The following MGAM variants were observed in gnomAD, a reference collection of about 807,000 sequenced individuals.
MGAM encodes the protein maltase-glucoamylase, also known as alpha-1,4-glucosidase.
Under a neutral mutation model 358.8 loss-of-function variants are expected in MGAM, and 253 were observed. That is an observed-to-expected ratio of 0.71 (90% CI 0.64 to 0.78). The LOEUF (loss-of-function observed/expected upper bound fraction) is 0.78. MGAM is among the 30% of genes least tolerant of loss of function. MGAM has a pLI of 0.00. For synonymous variants in MGAM, 1,105 were observed against 1,227.1 expected, an observed-to-expected ratio of 0.90 and a Z score of 2.08; for missense variants, 3,080 against 3,432.6, an observed-to-expected ratio of 0.90 and a Z score of 2.57.
intron 10 of MGAM, among the ~76,000 whole-genome samples, chr7:142,028,006 T>C (rs1554461644): frequency 6.6e-6 from 1 of 152,190 alleles, no homozygotes; most frequent in African/African-American, 2.4e-5. Context: ...TCTTATTATG[T>C]ATTTTATTAG....
chr7:142,100,820 C>T lies in MGAM; in HGVS notation c.7893C>T (p.Gly2631=). ...NTHLSRQKFM[G]FKIALDDEGT... is the part of the protein sequence containing the mutation. ...ACTGCAGCCGCCAGAAATTCATGGGCTTCAAAATTGCCTTGGATGATGAAG... is the reference window on the plus strand; with the variant it reads ...ACTGCAGCCGCCAGAAATTCATGGGTTTCAAAATTGCCTTGGATGATGAAG... The change falls in exon 68 of 71, where the codon GGC becomes GGT. Residue 2631 remains glycine, a synonymous_variant. Coordinates refer to ENST00000475668, the MANE Select transcript of MGAM (RefSeq NM_001365693.1). 25 of 1,612,388 alleles carry T rather than the reference C, an allele frequency of 1.6e-5. No individual in the cohort carries two copies. Among genetic ancestry groups the T allele is most frequent in the Non-Finnish European group, 2.0e-5 (24 of 1,179,310 alleles).
rs558596238 is a variant in MGAM at position 142,090,228 on chromosome 7, G to A, written c.6811-1685G>A. Among the ~76,000 whole-genome samples, 94 of 146,042 alleles carry A rather than the reference G, an allele frequency of 6.4e-4. 3 individuals are homozygous for A. Among genetic ancestry groups the A allele is most frequent in the Middle Eastern group, 3.5e-3 (1 of 284 alleles). ...GCAGAACATTTTTATGAAGTTGGAA[G>A]GGGTCATCCGAGCAGTACTTAGGGA... On this transcript the variant is annotated intron_variant, in intron 57 of 70. Coordinates refer to ENST00000475668, the MANE Select transcript of MGAM (RefSeq NM_001365693.1).
upstream of MGAM, among the ~76,000 whole-genome samples, chr7:141,990,901 C>T (rs78263602): frequency 0.033 from 5,038 of 152,258 alleles, 302 homozygotes; most frequent in African/African-American, 0.12. Flanking sequence ...TCCTGTCCCT[C>T]CCAGCATGTG....
chr7:142,066,516 T>C (rs1271432997), intron 40 of MGAM, 57 bp from the exon 41 acceptor site: 1 of 1,529,838 alleles, frequency 6.5e-7, no homozygotes, highest in East Asian at 2.3e-5. Context: ...AGTGACCTTC[T>C]TAAATCCCCT....
rs1584965634 is a variant in MGAM at position 142,040,558 on chromosome 7, C to T, written c.2374-164C>T. ...CACAAACCCCCAACTGGTAGCAGAA[C>T]ATGTTATTCTTGATTTTTTTCCTTC... On this transcript the variant is annotated intron_variant, in intron 20 of 70. Transcript: ENST00000475668. 10 of 891,764 alleles carry T rather than the reference C, an allele frequency of 1.1e-5. No homozygotes were observed. In the East Asian group the frequency reaches 2.2e-4, roughly 20 times the overall value. 55.2% of individuals were successfully genotyped at this position (891,764 alleles called of 1,614,324 possible).
chr7:142,031,907 T>C (rs1179825658), intron 13 of MGAM, 114 bp downstream of exon 13: 3 of 662,738 alleles, frequency 4.5e-6, no homozygotes, highest in Non-Finnish European at 7.9e-6. Flanking sequence ...AAAGGAAGTA[T>C]AACAATCACT....
chr7:142,036,824 A>G lies in MGAM; in HGVS notation c.2078A>G (p.Asp693Gly). Residue 693 changes from aspartate (D) to glycine (G), a missense_variant and splice_region_variant, in exon 18 of 71, where the codon GAC becomes GGC. Transcript: ENST00000475668. ...CTGCAAACTCCTATTTCCTCCCAGG[A>G]CCAGGATCCTGCCTCCTTTGGAGCT... Reference protein sequence around the residue: ...SRNHNGQGYKDQDPASFGADS... With the variant: ...SRNHNGQGYKGQDPASFGADS... The G allele has an allele frequency of 6.2e-7, 1 of 1,613,232 alleles. No homozygotes were observed.
At position 142,085,860 on chromosome 7, in the gene MGAM, A is replaced by G. The variant is rs752245131; in HGVS notation, c.6535A>G (p.Met2179Val). The change falls in exon 55 of 71, where the codon ATG becomes GTG. Residue 2179 changes from methionine (M) to valine (V), a missense_variant. By Grantham distance (21) the Met-to-Val change is conservative (BLOSUM62 1). Coordinates refer to ENST00000475668, the MANE Select transcript of MGAM (RefSeq NM_001365693.1). The stretch of plus-strand genomic sequence containing the variant: ...CGTGCAGTACTCAGACATCGACTAC[A>G]TGGAGCGGCAGCTGGACTTCACCCT... ...YDVQYSDIDY[M>V]ERQLDFTLSP... 3.8e-6 allele frequency: 6 copies of G among 1,565,402 alleles called. No homozygotes were observed. The highest frequency in any genetic ancestry group is 1.3e-5 in the African/African-American group (1 of 74,434).
rs112116114 is a variant in MGAM, at chr7:142,093,335, G to C, written c.7034-77G>C. ...GACTGAAGTTAGTCTTAAGATCCAG[G>C]GCCCAGTCCCTTGAAGAGAAGTCAG... On this transcript the variant is annotated intron_variant, in intron 59 of 70. Transcript: ENST00000475668. 6.1e-3 allele frequency: 8,933 copies of C among 1,452,650 alleles called. 755 individuals carry two copies. In the African/African-American group the frequency reaches 0.1, roughly 17 times the overall value. The allele number at this position is 1,452,650 out of a possible 1,614,324, so 90.0% of individuals were successfully genotyped here.
Position 142,066,654 on chromosome 7 carries a change from T to C in MGAM, c.4852T>C (p.Tyr1618His), listed in dbSNP as rs1461110017. The change falls in exon 41 of 71, where the codon TAT becomes CAT. Residue 1618 changes from tyrosine (Y) to histidine (H), a missense_variant. Tyr to His is a moderately conservative substitution (Grantham distance 83). This residue lies in a region of MGAM where 134 missense variants were observed against 198.4 expected (regional missense o/e 0.68). Coordinates refer to ENST00000475668, the MANE Select transcript of MGAM (RefSeq NM_001365693.1). ...GCAGACCAGATACACCCTGTTGCCATATCTGTATACCTTGATGCAAAAGGC... is the reference window on the plus strand; with the variant it reads ...GCAGACCAGATACACCCTGTTGCCACATCTGTATACCTTGATGCAAAAGGC... ...VLQTRYTLLP[Y>H]LYTLMQKAHT... 2 of 1,556,228 alleles carry C rather than the reference T, an allele frequency of 1.3e-6. No individual in the cohort carries two copies. Among genetic ancestry groups the C allele is most frequent in the Non-Finnish European group, 1.8e-6 (2 of 1,132,646 alleles).
chr7:142,045,568 A>AGT (rs1554472931), intron 21 of MGAM, among the ~76,000 whole-genome samples: 1 of 80,194 alleles, frequency 1.2e-5, no homozygotes, highest in Non-Finnish European at 1.9e-5. Context: ...ATGAATATAT[A>AGT]ATATATATTA....
upstream of MGAM, among the ~76,000 whole-genome samples, chr7:141,991,474 C>T (rs1554447308): frequency 1.3e-5 from 2 of 151,208 alleles, no homozygotes; most frequent in Non-Finnish European, 2.9e-5. Context: ...CACTCTGTTG[C>T]CCAGGCTGGA....
chr7:142,097,189 G>A (rs188119446), intron 65 of MGAM, among the ~76,000 whole-genome samples: 1 of 151,976 alleles, frequency 6.6e-6, no homozygotes, highest in African/African-American at 2.4e-5. Flanking sequence ...CGCCTGACTC[G>A]GCCTCCCAAA....
intron 21 of MGAM, among the ~76,000 whole-genome samples, chr7:142,046,901 G>A (rs2961089): frequency 0.56 from 84,456 of 151,802 alleles, 23,775 homozygotes; most frequent in Middle Eastern, 0.63. Context: ...ATTTAAGGTC[G>A]TTCAGATCAG....
intron 52 of MGAM, among the ~76,000 whole-genome samples, chr7:142,082,787 A>T (rs539217998): frequency 6.8e-6 from 1 of 146,358 alleles, no homozygotes; most frequent in East Asian, 2.0e-4. Context: ...TAAAAATCAC[A>T]TAAGAAGGGA....
chr7:142,032,859 C>A lies in MGAM; in HGVS notation c.1619C>A (p.Ser540Ter). The change falls in exon 14 of 71, where the codon TCG becomes TAG. Residue 540 changes from serine (S) to a stop codon, truncating the protein, a stop_gained. Coordinates refer to ENST00000475668, the MANE Select transcript of MGAM (RefSeq NM_001365693.1). LOFTEE classifies it high-confidence loss of function. ...MNEVSNFVDGSVSGCSTNNLN... is the reference protein window; with the variant it reads ...MNEVSNFVDG ...GAAGTCTCCAACTTTGTTGATGGTT[C>A]GGTCTCAGGATGTTCCACAAACAAC... The A allele has an allele frequency of 6.2e-7, 1 of 1,609,910 alleles. No homozygotes were observed. Among genetic ancestry groups the A allele is most frequent in the South Asian group, 1.1e-5 (1 of 90,348 alleles).
In MGAM at chr7:142,078,889, G is replaced by A. The variant is rs1307105762; in HGVS notation, c.5728G>A (p.Gly1910Arg). 3.2e-6 allele frequency: 5 copies of A among 1,555,372 alleles called. 1 individual carries two copies. Among genetic ancestry groups the A allele is most frequent in the Non-Finnish European group, 4.4e-6 (5 of 1,132,054 alleles). The stretch of plus-strand genomic sequence containing the variant: ...CAGTGATGTTCAGTATAACTCCCAT[G>A]GGGCCACAGCTGACATCTCCTTAAA... Reference protein sequence around the residue: ...SVSDVQYNSHGATADISLKSS... With the variant: ...SVSDVQYNSHRATADISLKSS... Residue 1910 changes from glycine to arginine, a missense_variant, in exon 49 of 71, where the codon GGG becomes AGG. Physicochemically the swap from Gly to Arg is moderately radical, Grantham distance 125. Transcript: ENST00000475668.
At chr7:142,032,711 A>G (rs1807615032) in intron 13 of MGAM, 114 bp from the exon 14 acceptor site, 5 of 638,214 alleles carry the variant, frequency 7.8e-6, no homozygotes, top group Non-Finnish European at 1.4e-5. Flanking sequence ...TTATACAAAT[A>G]CCCCTTTAAA....
intron 3 of MGAM, among the ~76,000 whole-genome samples, chr7:142,016,667 G>A (rs1048484339): frequency 2.6e-5 from 4 of 151,972 alleles, no homozygotes; most frequent in Admixed American, 6.6e-5. Context: ...ATCTCGGCTC[G>A]CTGCAACCTC....
Sources: allele counts gnomAD v4.1 joint callset (sites outside exome capture counted in the v4.1 genomes callset), GRCh38; gene constraint gnomAD v4.1.1; regional missense constraint gnomAD v4.1.1; transcripts MANE v1.5; gene names NCBI Gene and HGNC (gene_info 2026-07-23, HGNC 2026-07-21).